Variants in GOSR1 observed in about 807,000 individuals in gnomAD.
The protein encoded by GOSR1 is 28 kDa Golgi SNARE protein.
In GOSR1, 21 loss-of-function variants were observed where a neutral mutation model predicts 35.5. That is an observed-to-expected ratio of 0.59 (90% CI 0.42 to 0.85). GOSR1 has a LOEUF of 0.85. GOSR1 is among the 40% of genes least tolerant of loss of function. The probability of loss-of-function intolerance (pLI) is 0.00; values close to 1 mark genes in which losing one functional copy is unlikely to be tolerated. For synonymous variants in GOSR1, 94 were observed against 106.6 expected (o/e 0.88, Z 0.73); for missense variants, 285 against 309.6 (o/e 0.92, Z 0.60).
chr17:30,501,462 G>A (rs545361675), intron 6 of GOSR1, among the ~76,000 whole-genome samples: 13 of 151,906 alleles, frequency 8.6e-5, no homozygotes, highest in Admixed American at 3.9e-4. Flanking sequence ...ATGGTACAGC[G>A]ACATTGGAAG....
intron 6 of GOSR1, chr17:30,510,665 G>A: frequency 1.2e-5 from 4 of 336,150 alleles, no homozygotes; most frequent in Non-Finnish European, 2.3e-5. Flanking sequence ...AGTGAGTTGA[G>A]ATTACACTAC....
chr17:30,508,862 G>C (rs1967506527), intron 6 of GOSR1, among the ~76,000 whole-genome samples: 1 of 152,172 alleles, frequency 6.6e-6, no homozygotes, highest in South Asian at 2.1e-4. Context: ...AACTTGCCCT[G>C]TGTCAAATAA....
chr17:30,489,007 A>T (rs534575890), intron 4 of GOSR1, among the ~76,000 whole-genome samples: 12 of 152,348 alleles, frequency 7.9e-5, no homozygotes, highest in African/African-American at 2.2e-4. Context: ...TATGAAGTAC[A>T]AAAAGCAAGG....
At chr17:30,499,620 C>T (rs886147075) in intron 6 of GOSR1, among the ~76,000 whole-genome samples, 1 of 152,202 alleles carries the variant, frequency 6.6e-6, no homozygotes, top group Non-Finnish European at 1.5e-5. Context: ...GGATTACAGG[C>T]GTGAGCCACT....
At chr17:30,494,522 C>G (rs1323688119) in intron 6 of GOSR1, among the ~76,000 whole-genome samples, 1 of 152,120 alleles carries the variant, frequency 6.6e-6, no homozygotes, top group Non-Finnish European at 1.5e-5. Context: ...TTTCACTACT[C>G]CCTGATATTT....
intron 7 of GOSR1, among the ~76,000 whole-genome samples, chr17:30,517,441 C>T (rs926193852): frequency 5.3e-5 from 8 of 152,162 alleles, no homozygotes; most frequent in African/African-American, 1.9e-4. Context: ...TGATATTCTG[C>T]ACATTCCGTA....
chr17:30,484,984 G>A (rs563087236), intron 4 of GOSR1: 78 of 565,584 alleles, frequency 1.4e-4, no homozygotes, highest in African/African-American at 3.0e-4. Context: ...ATTTCTTGGC[G>A]AAGTTGAGTA....
intron 6 of GOSR1, among the ~76,000 whole-genome samples, chr17:30,509,964 G>A (rs927496389): frequency 2.6e-5 from 4 of 152,164 alleles, no homozygotes; most frequent in African/African-American, 9.7e-5. Context: ...GCTATTTAAA[G>A]AGAAAGTTCA....
chr17:30,484,460 A>G (rs569153366), intron 3 of GOSR1, among the ~76,000 whole-genome samples, 159 bp downstream of exon 3: 2 of 152,302 alleles, frequency 1.3e-5, no homozygotes, highest in Admixed American at 6.5e-5. Context: ...AGCCATTCTC[A>G]GGTGATATGA....
At chr17:30,500,878 A>ATT (rs1173422344) in intron 6 of GOSR1, among the ~76,000 whole-genome samples, 2 of 147,654 alleles carry the variant, frequency 1.4e-5, no homozygotes, top group Non-Finnish European at 3.0e-5. Flanking sequence ...TATACAAAGA[A>ATT]CTCTTTTTTT....
chr17:30,514,765 C>A (rs1339881491), intron 7 of GOSR1, among the ~76,000 whole-genome samples: 1 of 152,098 alleles, frequency 6.6e-6, no homozygotes, highest in East Asian at 1.9e-4. Context: ...TGAATTGATC[C>A]TTTCTTACCT....
chr17:30,517,108 T>G (rs1053162867), intron 7 of GOSR1, among the ~76,000 whole-genome samples: 1 of 152,066 alleles, frequency 6.6e-6, no homozygotes. Flanking sequence ...CATGTTAATT[T>G]TGTGTGTGTG....
In GOSR1 at chr17:30,524,303, A is replaced by G. The variant is rs1056469347; in HGVS notation, c.*1925A>G. The G allele has an allele frequency of 4.6e-5, 7 of 152,176 alleles. No homozygotes were observed. Among genetic ancestry groups the G allele is most frequent in the Non-Finnish European group, 5.9e-5 (4 of 68,048 alleles). 9.4% of individuals were successfully genotyped at this position (152,176 alleles called of 1,614,324 possible). On this transcript the variant is annotated 3_prime_UTR_variant, in exon 9 of 9. Coordinates refer to ENST00000451249, the MANE Select transcript of GOSR1 (RefSeq NM_001007025.2). Reference sequence around the variant, plus strand: ...AAGTTCTTTCTTGATGATCTGTGCTATAGATTTCTACTCTGTCTCCTCAAC... The same window carrying G: ...AAGTTCTTTCTTGATGATCTGTGCTGTAGATTTCTACTCTGTCTCCTCAAC...
intron 7 of GOSR1, among the ~76,000 whole-genome samples, chr17:30,516,655 GGCTT>G (rs1967828962): frequency 1.3e-5 from 2 of 152,000 alleles, no homozygotes; most frequent in African/African-American, 4.8e-5. Flanking sequence ...TACATTCTGT[GGCTT>G]GCTTTAATCA....
At chr17:30,478,274 T>C (rs1201226682) in intron 1 of GOSR1, among the ~76,000 whole-genome samples, 2 of 152,234 alleles carry the variant, frequency 1.3e-5, no homozygotes, top group African/African-American at 4.8e-5. Flanking sequence ...CTCCCAACTG[T>C]CTCTTTGCTT....
chr17:30,489,579 T>G (rs1215598159), intron 4 of GOSR1, among the ~76,000 whole-genome samples: 1 of 152,222 alleles, frequency 6.6e-6, no homozygotes, highest in Non-Finnish European at 1.5e-5. Context: ...GACAAGATTT[T>G]GATTTTCTTC....
At chr17:30,493,064 G>A (rs527288833) in intron 6 of GOSR1, among the ~76,000 whole-genome samples, 2 of 151,370 alleles carry the variant, frequency 1.3e-5, no homozygotes, top group African/African-American at 4.9e-5. Flanking sequence ...CTCAATCTCA[G>A]CTCACTGCAG....
chr17:30,510,169 G>A lies in GOSR1; in HGVS notation c.510-711G>A, dbSNP rs1159535626. Among the ~76,000 whole-genome samples the A allele has an allele frequency of 2.6e-5, 4 of 152,192 alleles. No homozygotes were observed. The East Asian group carries it at 7.8e-4, about 30-fold the overall frequency. On this transcript the variant is annotated intron_variant, in intron 6 of 8. Coordinates refer to ENST00000451249, the MANE Select transcript of GOSR1 (RefSeq NM_001007025.2). ...GCTCACTGCAACCTATGCCTCCCGG[G>A]TTCAAGCAGTTCTCGTGCCTCAGCC...
At chr17:30,507,776 T>C (rs1176220920) in intron 6 of GOSR1, among the ~76,000 whole-genome samples, 2 of 150,438 alleles carry the variant, frequency 1.3e-5, no homozygotes, top group Admixed American at 1.3e-4. Context: ...TGTGACTGAA[T>C]TGTGCGGCAA....
Sources: gnomAD v4.1 joint callset for allele counts (sites outside exome capture counted in the v4.1 genomes callset) on GRCh38, gnomAD v4.1.1 for gene constraint, MANE v1.5 for transcripts, NCBI Gene and HGNC (gene_info 2026-07-23, HGNC 2026-07-21) for gene names.